Variants in STAG1 observed in about 807,000 individuals in gnomAD.
The protein encoded by STAG1 is cohesin subunit SA-1.
STAG1 carries 26 observed loss-of-function variants against 170.9 expected under a neutral mutation model. The ratio of observed to expected loss-of-function variants is 0.15; its 90% confidence interval spans 0.11 to 0.21. The LOEUF is 0.21. STAG1 is among the 10% of genes least tolerant of loss of function. The pLI, the probability that STAG1 is intolerant of heterozygous loss-of-function variation, is 1.00. For synonymous variants in STAG1, 514 were observed against 497.7 expected, an observed-to-expected ratio of 1.03 and a Z score of -0.44; for missense variants, 964 against 1,509.5, an observed-to-expected ratio of 0.64 and a Z score of 5.99.
intron 12 of STAG1, among the ~76,000 whole-genome samples, chr3:136,467,268 C>T (rs2089490908): frequency 6.6e-6 from 1 of 152,108 alleles, no homozygotes; most frequent in Non-Finnish European, 1.5e-5. Flanking sequence ...AGACCCATCT[C>T]ACATGCAGAG....
At chr3:136,587,437 G>A (rs1337964771) in intron 4 of STAG1, among the ~76,000 whole-genome samples, 1 of 151,358 alleles carries the variant, frequency 6.6e-6, no homozygotes, top group Non-Finnish European at 1.5e-5. Context: ...CTACTCGGGA[G>A]GCTGAGGCAG....
chr3:136,433,148 T>C (rs997786780), intron 16 of STAG1, among the ~76,000 whole-genome samples: 6 of 152,150 alleles, frequency 3.9e-5, no homozygotes, highest in Non-Finnish European at 8.8e-5. Flanking sequence ...TATAAATACC[T>C]GTATTACTAG....
chr3:136,635,570 T>C (rs933380995), intron 1 of STAG1, among the ~76,000 whole-genome samples: 27 of 152,342 alleles, frequency 1.8e-4, no homozygotes, highest in African/African-American at 5.3e-4. Flanking sequence ...GCTAGGATGC[T>C]ATTCTCAACC....
intron 29 of STAG1, among the ~76,000 whole-genome samples, chr3:136,346,017 GATT>G (rs1238819043): frequency 4.6e-5 from 7 of 152,132 alleles, no homozygotes; most frequent in African/African-American, 1.4e-4. Context: ...ATGATAAAAA[GATT>G]ATTATCACTT....
chr3:136,473,453 T>A, intron 11 of STAG1, 86 bp downstream of exon 11: 1 of 994,710 alleles, frequency 1.0e-6, no homozygotes, highest in African/African-American at 1.6e-5. Flanking sequence ...ACTAAACACT[T>A]GTATGATAAT....
At chr3:136,586,011 C>A (rs942053259) in intron 4 of STAG1, among the ~76,000 whole-genome samples, 1 of 152,152 alleles carries the variant, frequency 6.6e-6, no homozygotes, top group African/African-American at 2.4e-5. Context: ...TTTATTCATG[C>A]AATGTTTTCT....
At chr3:136,376,502 A>G (rs1937614393) in intron 23 of STAG1, among the ~76,000 whole-genome samples, 1 of 152,072 alleles carries the variant, frequency 6.6e-6, no homozygotes, top group African/African-American at 2.4e-5. Context: ...GTCCAAGTAT[A>G]GGGACTCAGA....
chr3:136,467,216 A>G (rs542745581), intron 12 of STAG1, among the ~76,000 whole-genome samples: 21 of 152,320 alleles, frequency 1.4e-4, no homozygotes, highest in African/African-American at 3.8e-4. Flanking sequence ...AGACTGGCAA[A>G]TTGGATAAAG....
At chr3:136,554,930 A>G (rs1307910970) in intron 5 of STAG1, among the ~76,000 whole-genome samples, 1 of 151,972 alleles carries the variant, frequency 6.6e-6, no homozygotes, top group African/African-American at 2.4e-5. Context: ...CCATTAAAAC[A>G]AAGAAGAACA....
At chr3:136,583,729 C>T (rs1230120953) in intron 4 of STAG1, among the ~76,000 whole-genome samples, 1 of 152,144 alleles carries the variant, frequency 6.6e-6, no homozygotes. Context: ...GCAAAGGCTG[C>T]AGTGAGCCAA....
chr3:136,455,509 C>A lies in STAG1; in HGVS notation c.1314-3362G>T, dbSNP rs375185396. Among the ~76,000 whole-genome samples the A allele has an allele frequency of 6.3e-4, 96 of 152,290 alleles. 1 individual carries two copies. The South Asian group carries it at 0.019, about 31-fold the overall frequency. ...GCAAGAAGCCCACTCCAGTTCCATC[C>A]CACGGAACCACTGGGAGTGCCTGGA... On this transcript the variant is annotated intron_variant, in intron 13 of 33. Transcript: ENST00000383202.
At chr3:136,465,854 A>T (rs557848114) in intron 12 of STAG1, among the ~76,000 whole-genome samples, 69 of 152,276 alleles carry the variant, frequency 4.5e-4, no homozygotes, top group African/African-American at 1.6e-3. Context: ...CTACGAAAAA[A>T]TTAAACCCTA....
At position 136,469,005 on chromosome 3, in the gene STAG1, T is replaced by C. The variant is rs1031129275; in HGVS notation, c.1205+3408A>G. ...CGTATCTCAAAATAATAAGAGCTAT[T>C]TATGACAAACCCACACCCAATATCA... On this transcript the variant is annotated intron_variant, in intron 12 of 33. Coordinates refer to ENST00000383202, the MANE Select transcript of STAG1 (RefSeq NM_005862.3). Among the ~76,000 whole-genome samples, 169 of 152,192 alleles carry C rather than the reference T, an allele frequency of 1.1e-3. No homozygotes were observed. In the South Asian group the frequency reaches 0.013, roughly 12 times the overall value.
At chr3:136,608,797 CAAAAAAAAA>C (rs34993713) in intron 3 of STAG1, among the ~76,000 whole-genome samples, 1 of 79,192 alleles carries the variant, frequency 1.3e-5, no homozygotes, top group African/African-American at 5.0e-5. Flanking sequence ...GACCCTATCT[CAAAAAAAAA>C]AAAAAAAAAA....
At chr3:136,476,448 A>C (rs1041386021) in intron 10 of STAG1, among the ~76,000 whole-genome samples, 1 of 152,228 alleles carries the variant, frequency 6.6e-6, no homozygotes, top group African/African-American at 2.4e-5. Context: ...GAACTTGCTC[A>C]ATGAATATGG....
At chr3:136,363,814 G>A (rs1197200455) in intron 25 of STAG1, among the ~76,000 whole-genome samples, 2 of 152,174 alleles carry the variant, frequency 1.3e-5, no homozygotes, top group African/African-American at 4.8e-5. Context: ...GAGTGCAGTG[G>A]TGTGATCGTA....
At chr3:136,562,255 C>T (rs1029782424) in intron 5 of STAG1, among the ~76,000 whole-genome samples, 2 of 149,458 alleles carry the variant, frequency 1.3e-5, no homozygotes, top group African/African-American at 4.9e-5. Flanking sequence ...GTTTCTGAGT[C>T]ATTTCTTTTT....
At chr3:136,588,785 T>C (rs1937983730) in intron 4 of STAG1, among the ~76,000 whole-genome samples, 1 of 151,930 alleles carries the variant, frequency 6.6e-6, no homozygotes, top group South Asian at 2.1e-4. Context: ...TTTTGTGAGA[T>C]GGGAGTCTCG....
intron 25 of STAG1, among the ~76,000 whole-genome samples, chr3:136,364,477 A>C (rs950183537): frequency 1.4e-4 from 22 of 152,040 alleles, no homozygotes; most frequent in Admixed American, 9.2e-4. Context: ...ACTAAAACCA[A>C]AACAGTTAAA....
Sources: allele counts gnomAD v4.1 joint callset (sites outside exome capture counted in the v4.1 genomes callset), GRCh38; gene constraint gnomAD v4.1.1; transcripts MANE v1.5; gene names NCBI Gene and HGNC (gene_info 2026-07-23, HGNC 2026-07-21).